CELF5: variants seen among roughly 807,000 people sequenced by gnomAD.
CELF5 encodes the protein CUGBP Elav-like family member 5, also known as CUG-BP and ETR-3 like factor 5.
CELF5 carries 6 observed loss-of-function variants against 54.9 expected under a neutral mutation model. The ratio of observed to expected loss-of-function variants is 0.11; its 90% CI spans 0.06 to 0.22. The LOEUF is 0.22. CELF5 is among the 10% of genes least tolerant of loss of function. The pLI, the probability that CELF5 is intolerant of heterozygous loss-of-function variation, is 1.00. For synonymous variants in CELF5, 271 were observed against 290.9 expected (o/e 0.93, Z 0.70); for missense variants, 401 against 678.6 (o/e 0.59, Z 4.54).
Position 3,255,793 on chromosome 19 carries a change from G to A in CELF5, c.342+4726G>A, listed in dbSNP as rs116346798. Among the ~76,000 whole-genome samples, 767 of 152,152 alleles carry A rather than the reference G, an allele frequency of 5.0e-3. 10 individuals carry two copies. The highest frequency in any genetic ancestry group is 0.017 in the African/African-American group (706 of 41,508). On this transcript the variant is annotated intron_variant, in intron 2 of 12. Coordinates refer to ENST00000292672, the MANE Select transcript of CELF5 (RefSeq NM_021938.4). ...AAAGACGTGAAGGTGGGTCAGGCGC[G>A]GTGGCTCATGCCTGTAATCCCAGCA...
At chr19:3,280,309 G>A (rs1454534867) in intron 5 of CELF5, among the ~76,000 whole-genome samples, 1 of 152,098 alleles carries the variant, frequency 6.6e-6, no homozygotes, top group Non-Finnish European at 1.5e-5. Context: ...TGGGCGTGGT[G>A]GCTGTAATCC....
chr19:3,244,090 C>G (rs2079527508), intron 1 of CELF5, among the ~76,000 whole-genome samples: 1 of 151,996 alleles, frequency 6.6e-6, no homozygotes, highest in African/African-American at 2.4e-5. Flanking sequence ...CTCTATTTAT[C>G]CAGGGGTGGG....
chr19:3,289,294 C>T (rs62125959), intron 10 of CELF5, among the ~76,000 whole-genome samples: 261 of 152,040 alleles, frequency 1.7e-3, no homozygotes, highest in Non-Finnish European at 2.8e-3. Context: ...AGTGGCTCAC[C>T]CCTGTAATCC....
intron 2 of CELF5, among the ~76,000 whole-genome samples, chr19:3,262,638 GA>G (rs2079820669): frequency 1.3e-5 from 2 of 152,096 alleles, no homozygotes; most frequent in Non-Finnish European, 2.9e-5. Context: ...TCTAAAGCAA[GA>G]GAAAGGCAAG....
intron 9 of CELF5, 54 bp from the exon 10 acceptor site, chr19:3,285,888 G>A (rs1402129612): frequency 1.4e-6 from 1 of 707,798 alleles, no homozygotes; most frequent in Non-Finnish European, 1.8e-6. Context: ...GGCCCAGGCC[G>A]CCCACGTGGC....
intron 2 of CELF5, among the ~76,000 whole-genome samples, chr19:3,257,730 A>C (rs2079749593): frequency 1.3e-5 from 2 of 149,686 alleles, no homozygotes; most frequent in Non-Finnish European, 3.0e-5. Flanking sequence ...CCTGCCTCGG[A>C]CTCCCAAAGT....
At chr19:3,262,940 A>G (rs1359656751) in intron 2 of CELF5, among the ~76,000 whole-genome samples, 1 of 151,182 alleles carries the variant, frequency 6.6e-6, no homozygotes, top group East Asian at 1.9e-4. Context: ...CTCTGTCTCA[A>G]AAAATTTTTA....
At chr19:3,277,857 TTGTCCAGC>T (rs2080081492) in intron 4 of CELF5, among the ~76,000 whole-genome samples, 166 bp from the exon 5 acceptor site, 1 of 152,204 alleles carries the variant, frequency 6.6e-6, no homozygotes, top group African/African-American at 2.4e-5. Flanking sequence ...ATCTGGCTGA[TTGTCCAGC>T]TGTCCGTCTG....
At position 3,228,491 on chromosome 19, in the gene CELF5, T is replaced by G. The variant is rs1417107507; in HGVS notation, c.259+3493T>G. Among the ~76,000 whole-genome samples, 1 of 152,114 alleles carries G rather than the reference T, an allele frequency of 6.6e-6. No homozygotes were observed. The highest frequency in any genetic ancestry group is 1.9e-4 in the East Asian group (1 of 5,200). On this transcript the variant is annotated intron_variant, in intron 1 of 12. Transcript: ENST00000292672. This position sits in a 1 kb window ranked among gnomAD's most constrained non-coding sequence, Gnocchi z 6.0. ...GGGTGCCCACCCTGCCAGGGGAAGG[T>G]GCCCACGGTGGTACTGGTCCGCCGC...
rs1350202759 is a variant in CELF5, at chr19:3,281,276, G to T, written c.681G>T (p.Val227=). The T allele has an allele frequency of 6.2e-7, 1 of 1,611,780 alleles. No individual in the cohort carries two copies. Among genetic ancestry groups the T allele is most frequent in the Admixed American group, 1.7e-5 (1 of 60,010 alleles). The change falls in exon 6 of 13, where the codon GTG becomes GTT. Residue 227 remains valine (V), a synonymous_variant. Transcript: ENST00000292672. The surrounding 1 kb of genome is among the most constrained non-coding windows in gnomAD (Gnocchi z 6.5). ...ERTLRRMQQM[V]GQLGILTPSL... ...CGCTCCGGCGCATGCAGCAGATGGT[G>T]GGCCAGCTGGGCATCCTGACGCCGT...
chr19:3,225,073 C>G, intron 1 of CELF5, 75 bp downstream of exon 1: 1 of 1,044,850 alleles, frequency 9.6e-7, no homozygotes, highest in South Asian at 1.6e-5. Context: ...TTCTCTCCCC[C>G]ATCACCATCC....
At chr19:3,241,969 T>G (rs937053250) in intron 1 of CELF5, among the ~76,000 whole-genome samples, 1 of 152,068 alleles carries the variant, frequency 6.6e-6, no homozygotes, top group African/African-American at 2.4e-5. Context: ...GAGATGGGGT[T>G]TCACCGTGTT....
At chr19:3,285,868 CCCGCCCAGCGGCCCAGG>C in intron 9 of CELF5, 57 bp from the exon 10 acceptor site, 1 of 1,108,406 alleles carries the variant, frequency 9.0e-7, no homozygotes, top group South Asian at 1.8e-5. Flanking sequence ...CCGCCCCCTC[CCCGCCCAGCGGCCCAGG>C]CCGCCCACGT....
chr19:3,241,328 G>A (rs1452556597), intron 1 of CELF5, among the ~76,000 whole-genome samples: 1 of 151,070 alleles, frequency 6.6e-6, no homozygotes, highest in Non-Finnish European at 1.5e-5. Context: ...TGATCCACCC[G>A]CCTCTGCCTC....
chr19:3,296,464 AAAAAGAAAAAAAAATAG>A (rs1226597025), intron 12 of CELF5: 1 of 136,254 alleles, frequency 7.3e-6, no homozygotes, highest in East Asian at 2.0e-4. Flanking sequence ...AAAGAAAAGA[AAAAAGAAAAAAAAATAG>A]AAAAGAAAAA....
chr19:3,235,509 G>GGTGAATGA (rs1374674337), intron 1 of CELF5, among the ~76,000 whole-genome samples: 6 of 588 alleles, frequency 0.01, no homozygotes, highest in Non-Finnish European at 0.014. Context: ...TGGGTGGGTG[G>GGTGAATGA]ATGGATGGAT....
intron 2 of CELF5, among the ~76,000 whole-genome samples, chr19:3,254,070 G>T (rs916802693): frequency 3.3e-5 from 5 of 152,158 alleles, no homozygotes; most frequent in African/African-American, 1.2e-4. Flanking sequence ...GAAGATGGAA[G>T]AGGGTGGAAG....
intron 1 of CELF5, among the ~76,000 whole-genome samples, chr19:3,243,819 G>T (rs1376417773): frequency 1.3e-5 from 2 of 152,034 alleles, no homozygotes; most frequent in African/African-American, 4.8e-5. Context: ...GTCTTGTAAA[G>T]GCATCGTCCC....
intron 1 of CELF5, among the ~76,000 whole-genome samples, chr19:3,234,924 C>A (rs1298050224): frequency 6.6e-6 from 1 of 152,060 alleles, no homozygotes; most frequent in African/African-American, 2.4e-5. Flanking sequence ...GCAGCAGCCA[C>A]CAGAGAGCGC....
Sources: gnomAD v4.1 joint callset for allele counts (sites outside exome capture counted in the v4.1 genomes callset) on GRCh38, gnomAD v4.1.1 for gene constraint, Gnocchi (gnomAD v3.1) non-coding constraint, MANE v1.5 for transcripts, NCBI Gene and HGNC (gene_info 2026-07-23, HGNC 2026-07-21) for gene names.